The following ROBO2 variants were observed in gnomAD, a reference collection of about 807,000 sequenced individuals.
ROBO2 encodes roundabout guidance receptor 2.
Under a neutral mutation model 160.8 loss-of-function variants are expected in ROBO2, and 53 were observed. The observed-to-expected ratio is 0.33, with a 90% CI of 0.26 to 0.41. The LOEUF (loss-of-function observed/expected upper bound fraction) is 0.41. ROBO2 is among the 10% of genes least tolerant of loss of function. ROBO2 has a pLI of 1.00. For synonymous variants in ROBO2, 664 were observed against 611.7 expected (o/e 1.09, Z -1.26); for missense variants, 1,577 against 1,722.4 (o/e 0.92, Z 1.49).
At chr3:77,072,124 C>T (rs2067486462) in intron 1 of ROBO2, among the ~76,000 whole-genome samples, 2 of 152,052 alleles carry the variant, frequency 1.3e-5, no homozygotes, top group Admixed American at 6.6e-5. Context: ...GAGCGAGAAC[C>T]CTGTTTGTGA....
chr3:76,115,314 C>T (rs1339701970), intron 2 of ROBO2, among the ~76,000 whole-genome samples: 1 of 152,094 alleles, frequency 6.6e-6, no homozygotes, highest in African/African-American at 2.4e-5. Flanking sequence ...CAGATATGAT[C>T]CAATCAGATC....
chr3:76,453,394 T>C (rs949297298), intron 2 of ROBO2, among the ~76,000 whole-genome samples: 1 of 152,244 alleles, frequency 6.6e-6, no homozygotes, highest in Non-Finnish European at 1.5e-5. Context: ...TTCCTACATA[T>C]GGCTAGCCAG....
At chr3:77,276,585 A>G (rs1473185641) in intron 2 of ROBO2, among the ~76,000 whole-genome samples, 1 of 152,042 alleles carries the variant, frequency 6.6e-6, no homozygotes, top group Non-Finnish European at 1.5e-5. Context: ...TGCTTTAATA[A>G]TTACATTATT....
chr3:75,968,155 T>C (rs961957284), intron 2 of ROBO2, among the ~76,000 whole-genome samples: 5 of 151,548 alleles, frequency 3.3e-5, no homozygotes, highest in Admixed American at 1.3e-4. Context: ...TGAATCAAGA[T>C]TTGCTGTTCT....
intron 2 of ROBO2, among the ~76,000 whole-genome samples, chr3:76,544,354 G>A: frequency 6.6e-6 from 1 of 152,080 alleles, no homozygotes; most frequent in Non-Finnish European, 1.5e-5. Context: ...TTTAAAAAAT[G>A]AAAATATAGA....
intron 2 of ROBO2, among the ~76,000 whole-genome samples, chr3:76,376,247 A>C (rs1377017951): frequency 6.6e-6 from 1 of 152,106 alleles, no homozygotes; most frequent in African/African-American, 2.4e-5. Context: ...TAATTCACTT[A>C]GGTCTAAATT....
chr3:76,812,639 T>C (rs2065291148), intron 2 of ROBO2, among the ~76,000 whole-genome samples: 1 of 152,006 alleles, frequency 6.6e-6, no homozygotes, highest in East Asian at 1.9e-4. Flanking sequence ...AAGAAAATAT[T>C]CAGTTGCACA....
At chr3:76,248,901 CTG>C (rs35656773) in intron 2 of ROBO2, among the ~76,000 whole-genome samples, 18,701 of 151,994 alleles carry the variant, frequency 0.12, 1,799 homozygotes, top group East Asian at 0.41. Flanking sequence ...TTACCAAAGT[CTG>C]TGCTGTTTAC....
At chr3:76,421,165 T>A (rs376472295) in intron 2 of ROBO2, among the ~76,000 whole-genome samples, 9 of 151,686 alleles carry the variant, frequency 5.9e-5, no homozygotes, top group Admixed American at 1.3e-4. Context: ...AAACATCTAT[T>A]TTAGCTCTAC....
At chr3:77,088,726 A>G (rs1578859575) in intron 1 of ROBO2, among the ~76,000 whole-genome samples, 1 of 152,312 alleles carries the variant, frequency 6.6e-6, no homozygotes, top group African/African-American at 2.4e-5. Flanking sequence ...TCAGTCTTTT[A>G]AATCATTGTT....
intron 2 of ROBO2, among the ~76,000 whole-genome samples, chr3:76,871,549 G>C (rs1276567580): frequency 7.7e-6 from 1 of 129,826 alleles, no homozygotes; most frequent in Non-Finnish European, 1.6e-5. Context: ...GCGAGACTCC[G>C]TCTCAAAAAA....
At chr3:77,514,931 C>T (rs1162880361) in intron 5 of ROBO2, among the ~76,000 whole-genome samples, 1 of 151,644 alleles carries the variant, frequency 6.6e-6, no homozygotes, top group East Asian at 2.0e-4. Flanking sequence ...AAAGCAGAGA[C>T]TGGTAGTAGA....
intron 6 of ROBO2, among the ~76,000 whole-genome samples, chr3:77,523,992 G>T (rs556057738): frequency 6.6e-6 from 1 of 151,168 alleles, no homozygotes; most frequent in African/African-American, 2.4e-5. Context: ...AGTCCTTCGC[G>T]TGGTAAGAAA....
intron 2 of ROBO2, among the ~76,000 whole-genome samples, chr3:77,298,685 A>T (rs2062371999): frequency 6.6e-6 from 1 of 152,108 alleles, no homozygotes. Context: ...CAGAGCCGTG[A>T]ACAGAAAACT....
chr3:76,594,049 T>G (rs2086589179), intron 2 of ROBO2, among the ~76,000 whole-genome samples: 1 of 152,006 alleles, frequency 6.6e-6, no homozygotes, highest in East Asian at 1.9e-4. Flanking sequence ...ATCAGAAATC[T>G]TACAGGAAAG....
chr3:76,219,704 T>C (rs1157050410), intron 2 of ROBO2, among the ~76,000 whole-genome samples: 1 of 152,086 alleles, frequency 6.6e-6, no homozygotes, highest in Non-Finnish European at 1.5e-5. Flanking sequence ...TGTGGAGAAA[T>C]AGGAACACTT....
At chr3:76,622,227 G>A (rs547898307) in intron 2 of ROBO2, among the ~76,000 whole-genome samples, 679 of 27,422 alleles carry the variant, frequency 0.025, 13 homozygotes, top group African/African-American at 0.033. Flanking sequence ...AGGAAGGAAG[G>A]AAGGAAGGAA....
chr3:77,486,223 T>C (rs1002284450), intron 4 of ROBO2, among the ~76,000 whole-genome samples: 6 of 35,518 alleles, frequency 1.7e-4, no homozygotes, highest in Non-Finnish European at 3.4e-4. Flanking sequence ...TTGTGAATAG[T>C]GCTACAATGA....
chr3:77,538,974 G>A (rs911451048), intron 6 of ROBO2: 4 of 422,518 alleles, frequency 9.5e-6, no homozygotes, highest in South Asian at 3.3e-5. Flanking sequence ...GAGAGCAGTG[G>A]CACAACAATC....
Sources: gnomAD v4.1 joint callset for allele counts (sites outside exome capture counted in the v4.1 genomes callset) on GRCh38, gnomAD v4.1.1 for gene constraint, MANE v1.5 for transcripts, NCBI Gene and HGNC (gene_info 2026-07-23, HGNC 2026-07-21) for gene names.